IGSF9B: variants seen among roughly 807,000 people sequenced by gnomAD.
IGSF9B encodes protein turtle homolog B.
In IGSF9B, 48 loss-of-function variants were observed where a neutral mutation model predicts 143.7. The observed-to-expected ratio is 0.33, with a 90% CI of 0.26 to 0.42. The LOEUF (loss-of-function observed/expected upper bound fraction) is 0.42. IGSF9B is among the 20% of genes least tolerant of loss of function. The pLI, the probability that IGSF9B is intolerant of heterozygous loss-of-function variation, is 1.00. For synonymous variants in IGSF9B, 903 were observed against 833.1 expected (o/e 1.08, Z -1.44); for missense variants, 1,706 against 1,980.0 (o/e 0.86, Z 2.63).
chr11:133,936,890 C>A (rs995380527), intron 5 of IGSF9B, among the ~76,000 whole-genome samples: 1 of 152,236 alleles, frequency 6.6e-6, no homozygotes. Flanking sequence ...TCTCTGGGGA[C>A]TCTGGGGCTC....
chr11:133,920,098 G>A lies in IGSF9B; in HGVS notation c.3627C>T (p.Leu1209=). ...GCTCAGGGGAGCCGGTGCGGGAGCT[G>A]AGGGGGCTTTGGGTCAGAGGTGAGA... The part of the protein sequence containing the change: ...SRLSPLTQSP[L]SSRTGSPELA... The change falls in exon 18 of 20, where the codon CTC becomes CTT. Residue 1209 remains leucine (L), a synonymous_variant. Transcript: ENST00000533871. 1 of 1,522,060 alleles carries A rather than the reference G, an allele frequency of 6.6e-7. No homozygotes were observed. The highest frequency in any genetic ancestry group is 8.8e-7 in the Non-Finnish European group (1 of 1,135,588). 94.3% of individuals were successfully genotyped at this position (1,522,060 alleles called of 1,614,324 possible).
At position 133,920,678 on chromosome 11, in the gene IGSF9B, T is replaced by C. The variant is rs1939511830; in HGVS notation, c.3047A>G (p.Asn1016Ser). The C allele has an allele frequency of 2.5e-6, 4 of 1,613,438 alleles. No individual in the cohort carries two copies. The highest frequency in any genetic ancestry group is 1.3e-5 in the African/African-American group (1 of 75,004). Residue 1016 changes from asparagine (N) to serine (S), a missense_variant, in exon 18 of 20, where the codon AAT becomes AGT. This residue lies in a region of IGSF9B where 880 missense variants were observed against 762.9 expected (regional missense o/e 1.15). Coordinates refer to ENST00000533871, the MANE Select transcript of IGSF9B (RefSeq NM_001277285.4). ...CGTGCTGTTGGATGCATTCTCTCCATTCTCCTCGGGGATGGTGGGGTGGCC... is the reference window on the plus strand; with the variant it reads ...CGTGCTGTTGGATGCATTCTCTCCACTCTCCTCGGGGATGGTGGGGTGGCC... ...PFGHPTIPEE[N>S]GENASNSTLP...
rs570304400 is a variant in IGSF9B at position 133,902,277 on chromosome 11, C to A, written c.*6792G>T. ...CCACACACACTGCATCACACACACA[C>A]ACACCAGACACATCACACATACACG... On this transcript the variant is annotated 3_prime_UTR_variant, in exon 20 of 20. Transcript: ENST00000533871. Among the ~76,000 whole-genome samples the A allele has an allele frequency of 1.3e-5, 2 of 150,050 alleles. No individual in the cohort carries two copies. The highest frequency in any genetic ancestry group is 4.0e-4 in the East Asian group (2 of 5,026).
rs1441298970 is a variant in IGSF9B at position 133,907,515 on chromosome 11, G to A, written c.*1554C>T. Among the ~76,000 whole-genome samples the A allele has an allele frequency of 6.6e-6, 1 of 152,192 alleles. No individual in the cohort carries two copies. The highest frequency in any genetic ancestry group is 2.4e-5 in the African/African-American group (1 of 41,452). On this transcript the variant is annotated 3_prime_UTR_variant, in exon 20 of 20. Coordinates refer to ENST00000533871, the MANE Select transcript of IGSF9B (RefSeq NM_001277285.4). ...TCATTCTAAGCCAAGCCAGAAGGGG[G>A]GCTCCTACACAAGAGTGGGGGAGGG...
intron 16 of IGSF9B, 57 bp from the exon 17 acceptor site, chr11:133,922,279 C>T (rs1025092504): frequency 6.1e-6 from 9 of 1,467,660 alleles, no homozygotes; most frequent in African/African-American, 1.4e-5. Flanking sequence ...CCACGCAGCA[C>T]GCGCATCTGC....
intron 18 of IGSF9B, among the ~76,000 whole-genome samples, chr11:133,918,606 G>A (rs939374852): frequency 2.0e-5 from 3 of 152,150 alleles, no homozygotes; most frequent in Non-Finnish European, 2.9e-5. Flanking sequence ...GGAGCAGCCC[G>A]CGGTGGGGCT....
At chr11:133,937,701 G>T (rs1321059154) in intron 4 of IGSF9B, 109 bp downstream of exon 4, 6 of 1,354,642 alleles carry the variant, frequency 4.4e-6, no homozygotes, top group Non-Finnish European at 6.0e-6. Context: ...CGGCTTTCCA[G>T]CCTCCTCTGT....
chr11:133,919,712 T>C (rs1225259947), intron 18 of IGSF9B, 30 bp downstream of exon 18: 3 of 1,316,412 alleles, frequency 2.3e-6, no homozygotes, highest in Non-Finnish European at 3.0e-6. Context: ...GTTGCCCAGG[T>C]GCGGGTGGCG....
rs868649872 is a variant in IGSF9B at position 133,924,687 on chromosome 11, C to T, written c.2119+133G>A. On this transcript the variant is annotated intron_variant, in intron 15 of 19. Coordinates refer to ENST00000533871, the MANE Select transcript of IGSF9B (RefSeq NM_001277285.4). Reference sequence around the variant, plus strand: ...GGCTTAAGAAAGGCTATGACTCACGCAGCTGCAACCAGGCACTGCCTTAGT... The same window carrying T: ...GGCTTAAGAAAGGCTATGACTCACGTAGCTGCAACCAGGCACTGCCTTAGT... The T allele has an allele frequency of 6.5e-5, 46 of 712,122 alleles. 1 individual carries two copies. In the East Asian group the frequency reaches 7.4e-4, roughly 11 times the overall value. 44.1% of individuals were successfully genotyped at this position (712,122 alleles called of 1,614,324 possible). A position where few individuals can be genotyped will look rare whatever the true frequency, so the allele number is the denominator to read the frequency against.
Position 133,903,350 on chromosome 11 carries a change from A to G in IGSF9B, c.*5719T>C, listed in dbSNP as rs1304840210. On this transcript the variant is annotated 3_prime_UTR_variant, in exon 20 of 20. Transcript: ENST00000533871. ...AGCTGAGCATTTGAGCCACGGGGTT[A>G]AAACTGTCCAATCTAGCTCTCCCAG... Among the ~76,000 whole-genome samples the G allele has an allele frequency of 1.3e-5, 2 of 152,154 alleles. No individual in the cohort carries two copies. Among genetic ancestry groups the G allele is most frequent in the Non-Finnish European group, 2.9e-5 (2 of 68,024 alleles).
rs1279668781 is a variant in IGSF9B, at chr11:133,906,596, C to G, written c.*2473G>C. 6.6e-6 allele frequency among the ~76,000 whole-genome samples: 1 copy of G among 152,210 alleles called. No individual in the cohort carries two copies. Among genetic ancestry groups the G allele is most frequent in the Admixed American group, 6.5e-5 (1 of 15,282 alleles). On this transcript the variant is annotated 3_prime_UTR_variant, in exon 20 of 20. Coordinates refer to ENST00000533871, the MANE Select transcript of IGSF9B (RefSeq NM_001277285.4). ...CAGCACCTGGGTTAGCACGGGGGTG[C>G]CCTGGAAGGCACAGCCATGGCCTGA...
Position 133,898,178 on chromosome 11 carries a change from C to T in IGSF9B, c.*10891G>A, listed in dbSNP as rs754074722. ...CTTCACAGGAAGACCTGGCATGGAT[C>T]GGGGGTCGCCCCCAAAGAAAGTGGA... On this transcript the variant is annotated 3_prime_UTR_variant, in exon 20 of 20. Transcript: ENST00000533871. 3.9e-5 allele frequency: 6 copies of T among 152,206 alleles called. No homozygotes were observed. The highest frequency in any genetic ancestry group is 7.3e-5 in the Non-Finnish European group (5 of 68,038). 9.4% of individuals were successfully genotyped at this position (152,206 alleles called of 1,614,324 possible). A position where few individuals can be genotyped will look rare whatever the true frequency, so the allele number is the denominator to read the frequency against.
At chr11:133,919,322 G>A (rs1021410613) in intron 18 of IGSF9B, among the ~76,000 whole-genome samples, 26 of 152,144 alleles carry the variant, frequency 1.7e-4, no homozygotes, top group Admixed American at 4.6e-4. Context: ...AGCAGGGGCC[G>A]GGGAAGAAAA....
chr11:133,937,345 G>A (rs1195676459), intron 5 of IGSF9B, 31 bp downstream of exon 5: 2 of 1,526,022 alleles, frequency 1.3e-6, no homozygotes, highest in Admixed American at 1.7e-5. Flanking sequence ...CGGGAGCCCA[G>A]GGTTAAAGAG....
chr11:133,937,257 G>T (rs1939841958), intron 5 of IGSF9B, 119 bp downstream of exon 5: 1 of 692,230 alleles, frequency 1.4e-6, no homozygotes, highest in Admixed American at 2.5e-5. Flanking sequence ...AGGTCCTCAT[G>T]GCCGCCTGCA....
intron 17 of IGSF9B, among the ~76,000 whole-genome samples, chr11:133,921,972 G>C (rs1939548074): frequency 6.6e-6 from 1 of 152,144 alleles, no homozygotes; most frequent in African/African-American, 2.4e-5. Flanking sequence ...CTACCAGCGT[G>C]GACAACTTAC....
chr11:133,931,876 G>C lies in IGSF9B; in HGVS notation c.1111-81C>G. Reference sequence around the variant, plus strand: ...CCCAGGCTGGGTCCCAGCTGGGCCAGGCAGCACGCAGGATAGTACAGGAGC... The same window carrying C: ...CCCAGGCTGGGTCCCAGCTGGGCCACGCAGCACGCAGGATAGTACAGGAGC... On this transcript the variant is annotated intron_variant, in intron 8 of 19. Coordinates refer to ENST00000533871, the MANE Select transcript of IGSF9B (RefSeq NM_001277285.4). This position sits in a 1 kb window ranked among gnomAD's most constrained non-coding sequence, Gnocchi z 7.7. 1 of 1,572,072 alleles carries C rather than the reference G, an allele frequency of 6.4e-7. No homozygotes were observed. The highest frequency in any genetic ancestry group is 8.6e-7 in the Non-Finnish European group (1 of 1,161,340).
At chr11:133,921,707 C>G (rs866073263) in intron 17 of IGSF9B, among the ~76,000 whole-genome samples, 3 of 152,052 alleles carry the variant, frequency 2.0e-5, no homozygotes, top group Non-Finnish European at 4.4e-5. Flanking sequence ...CCGGCCCCCC[C>G]CATCATCCGT....
At chr11:133,952,671 C>T (rs534241151) in intron 1 of IGSF9B, among the ~76,000 whole-genome samples, 1 of 152,278 alleles carries the variant, frequency 6.6e-6, no homozygotes, top group Admixed American at 6.5e-5. Flanking sequence ...GGTGTGCACA[C>T]ATATGCAATG....
Sources: gnomAD v4.1 joint callset for allele counts (sites outside exome capture counted in the v4.1 genomes callset) on GRCh38, gnomAD v4.1.1 for gene constraint, gnomAD v4.1.1 regional missense constraint, Gnocchi (gnomAD v3.1) non-coding constraint, MANE v1.5 for transcripts, NCBI Gene and HGNC (gene_info 2026-07-23, HGNC 2026-07-21) for gene names.